GRM7: variants seen among roughly 807,000 people sequenced by gnomAD.
The protein encoded by GRM7 is metabotropic glutamate receptor 7.
A neutral mutation model predicts 84.5 loss-of-function variants in GRM7; 35 were observed. The ratio of observed to expected loss-of-function variants is 0.41; its 90% CI spans 0.32 to 0.55. The LOEUF (loss-of-function observed/expected upper bound fraction) is 0.55, where lower values mean the gene tolerates loss of function less well. Among genes scored for constraint, GRM7 ranks in the 20% least tolerant of loss-of-function variants. The pLI, the probability that GRM7 is intolerant of heterozygous loss-of-function variation, is 0.19. For missense variants in GRM7, 1,003 were observed against 1,194.6 expected, an observed-to-expected ratio of 0.84 and a Z score of 2.36; for synonymous variants, 487 against 455.1, an observed-to-expected ratio of 1.07 and a Z score of -0.89.
At chr3:6,972,997 T>C (rs1346321302) in intron 1 of GRM7, among the ~76,000 whole-genome samples, 1 of 152,164 alleles carries the variant, frequency 6.6e-6, no homozygotes, top group Non-Finnish European at 1.5e-5. Context: ...TCAAATAATA[T>C]GAGAGTCAGT....
At chr3:7,715,856 T>A (rs1701755283) in intron 9 of GRM7, among the ~76,000 whole-genome samples, 1 of 152,192 alleles carries the variant, frequency 6.6e-6, no homozygotes, top group South Asian at 2.1e-4. Context: ...GTCTCCTTCC[T>A]ATTTCTTCTT....
At chr3:6,877,068 T>C (rs993122315) in intron 1 of GRM7, among the ~76,000 whole-genome samples, 7 of 152,232 alleles carry the variant, frequency 4.6e-5, no homozygotes, top group South Asian at 2.1e-4. Flanking sequence ...TTTTCCTTAA[T>C]ATGGATGGAG....
chr3:6,948,505 G>A (rs768656508), intron 1 of GRM7, among the ~76,000 whole-genome samples: 67 of 152,216 alleles, frequency 4.4e-4, no homozygotes, highest in Non-Finnish European at 4.6e-4. Flanking sequence ...TAGGTGTGGT[G>A]TGGTTCTGAG....
chr3:7,700,023 C>T (rs1365795267), intron 9 of GRM7, among the ~76,000 whole-genome samples: 6 of 152,154 alleles, frequency 3.9e-5, no homozygotes, highest in South Asian at 2.1e-4. Flanking sequence ...CACAAGCTAA[C>T]GTCCCAGGAT....
At chr3:7,168,774 G>A (rs1574984639) in intron 2 of GRM7, among the ~76,000 whole-genome samples, 1 of 152,184 alleles carries the variant, frequency 6.6e-6, no homozygotes, top group African/African-American at 2.4e-5. Context: ...GCATTCAGAA[G>A]TGTCATTGAG....
At chr3:6,941,271 A>T (rs187436586) in intron 1 of GRM7, among the ~76,000 whole-genome samples, 37 of 152,318 alleles carry the variant, frequency 2.4e-4, no homozygotes, top group African/African-American at 8.2e-4. Context: ...TGTCTTGAAG[A>T]ACTTTTAAAG....
At chr3:7,218,395 G>T (rs1696685161) in intron 2 of GRM7, among the ~76,000 whole-genome samples, 1 of 151,770 alleles carries the variant, frequency 6.6e-6, no homozygotes, top group African/African-American at 2.4e-5. Context: ...TTTTCAATTT[G>T]TGTTTTCCTT....
chr3:7,415,248 C>A, intron 5 of GRM7, 85 bp downstream of exon 5: 2 of 1,157,740 alleles, frequency 1.7e-6, no homozygotes, highest in Non-Finnish European at 2.5e-6. Context: ...GGAAGCTTGG[C>A]TGGAGACAAA....
chr3:6,999,644 C>T (rs1694942783), intron 1 of GRM7, among the ~76,000 whole-genome samples: 1 of 152,166 alleles, frequency 6.6e-6, no homozygotes, highest in South Asian at 2.1e-4. Flanking sequence ...GGGGATGCCT[C>T]AGGAAACTTA....
chr3:7,020,917 C>T (rs1575138982), intron 1 of GRM7, among the ~76,000 whole-genome samples: 2 of 152,054 alleles, frequency 1.3e-5, no homozygotes, highest in Non-Finnish European at 1.5e-5. Context: ...TAATGTAAAG[C>T]GGTTTCTGAG....
At position 7,486,182 on chromosome 3, in the gene GRM7, C is replaced by T. The variant is rs58661303; in HGVS notation, c.1515+24460C>T. Among the ~76,000 whole-genome samples the T allele has an allele frequency of 5.5e-3, 830 of 152,226 alleles. 8 individuals carry two copies. The highest frequency in any genetic ancestry group is 0.019 in the African/African-American group (793 of 41,554). On this transcript the variant is annotated intron_variant, in intron 7 of 9. Transcript: ENST00000357716. The surrounding 1 kb of genome is among the most constrained non-coding windows in gnomAD (Gnocchi z 5.5). ...ATTTTGCTCTAAAAGTAGAAAAGAA[C>T]AAGTAAAATGTCATGAGTTTTCATA...
At chr3:6,909,872 A>T (rs1276809470) in intron 1 of GRM7, among the ~76,000 whole-genome samples, 1 of 152,146 alleles carries the variant, frequency 6.6e-6, no homozygotes, top group African/African-American at 2.4e-5. Flanking sequence ...ATTTAGATTT[A>T]TAGAATAGAA....
chr3:6,917,822 A>C (rs139215996), intron 1 of GRM7, among the ~76,000 whole-genome samples: 10 of 152,190 alleles, frequency 6.6e-5, no homozygotes, highest in Admixed American at 1.3e-4. Context: ...GCTCATATCT[A>C]TATTTTCATA....
At chr3:7,077,386 T>C (rs6782283) in intron 1 of GRM7, among the ~76,000 whole-genome samples, 24,664 of 152,040 alleles carry the variant, frequency 0.16, 3,539 homozygotes, top group African/African-American at 0.39. Context: ...TGGAATACTA[T>C]GCAGCCATAA....
At chr3:7,542,592 G>T (rs530119188) in intron 7 of GRM7, among the ~76,000 whole-genome samples, 1 of 144,998 alleles carries the variant, frequency 6.9e-6, no homozygotes. Context: ...TCTGTCGCCA[G>T]ACTGGAGTGC....
chr3:7,701,573 A>T (rs1701231658), intron 9 of GRM7, among the ~76,000 whole-genome samples: 1 of 152,056 alleles, frequency 6.6e-6, no homozygotes, highest in Non-Finnish European at 1.5e-5. Context: ...AAAGTGCGGG[A>T]TTACAGGTGT....
At chr3:7,253,739 A>C (rs983736955) in intron 2 of GRM7, among the ~76,000 whole-genome samples, 2 of 152,086 alleles carry the variant, frequency 1.3e-5, no homozygotes, top group African/African-American at 4.8e-5. Flanking sequence ...GAGCTTTCCC[A>C]AGCTCACAGT....
chr3:7,591,940 G>T (rs1376902482), intron 8 of GRM7, among the ~76,000 whole-genome samples: 3 of 152,088 alleles, frequency 2.0e-5, no homozygotes, highest in Non-Finnish European at 4.4e-5. Flanking sequence ...CAATAAAAAG[G>T]ATCAATTCTT....
intron 1 of GRM7, among the ~76,000 whole-genome samples, chr3:7,004,616 A>G (rs999225895): frequency 2.0e-5 from 3 of 152,202 alleles, no homozygotes; most frequent in African/African-American, 7.2e-5. Flanking sequence ...AACTTCACTC[A>G]TACGAGTAGG....
Sources: allele counts gnomAD v4.1 joint callset (sites outside exome capture counted in the v4.1 genomes callset), GRCh38; gene constraint gnomAD v4.1.1; non-coding constraint Gnocchi (gnomAD v3.1); transcripts MANE v1.5; gene names NCBI Gene and HGNC (gene_info 2026-07-23, HGNC 2026-07-21).